RYR1: variants seen among roughly 807,000 people sequenced by gnomAD.
RYR1 encodes ryanodine receptor 1.
In RYR1, 342 loss-of-function variants were observed where a neutral mutation model predicts 583.5. The observed-to-expected ratio is 0.59, with a 90% CI of 0.54 to 0.64. The LOEUF is 0.64. RYR1 is among the 30% of genes least tolerant of loss of function. The pLI is 0.00. For missense variants in RYR1, 6,032 were observed against 6,917.2 expected (o/e 0.87, Z 4.54); for synonymous variants, 2,791 against 2,822.5 (o/e 0.99, Z 0.35).
intron 30 of RYR1, 78 bp from the exon 31 acceptor site, chr19:38,478,357 G>A (rs1600745984): frequency 5.2e-6 from 8 of 1,529,350 alleles, no homozygotes; most frequent in East Asian, 4.5e-5. Flanking sequence ...GTGTGTTTCC[G>A]GGAGCTTGGG....
At chr19:38,490,361 A>G in intron 36 of RYR1, 85 bp downstream of exon 36, 1 of 1,330,708 alleles carries the variant, frequency 7.5e-7, no homozygotes. Context: ...AGGACCCTCA[A>G]CCTCTAAACC....
chr19:38,570,454 A>AAATAAT (rs1011441338), intron 93 of RYR1, among the ~76,000 whole-genome samples, 153 bp from the exon 94 acceptor site: 8 of 152,054 alleles, frequency 5.3e-5, no homozygotes, highest in African/African-American at 1.7e-4. Context: ...TCTGTCTCAA[A>AAATAAT]AATAATAATA....
At chr19:38,514,994 C>T in intron 63 of RYR1, 32 bp from the exon 64 acceptor site, 1 of 1,541,192 alleles carries the variant, frequency 6.5e-7, no homozygotes, top group Non-Finnish European at 9.0e-7. Context: ...CTTGTGAGCG[C>T]ATGCCGCAGC....
rs148660840 is a variant in RYR1 at position 38,494,429 on chromosome 19, C to T, written c.6352C>T (p.Arg2118Trp). 1.2e-5 allele frequency: 19 copies of T among 1,612,138 alleles called. No individual in the cohort carries two copies. The highest frequency in any genetic ancestry group is 5.3e-5 in the African/African-American group (4 of 74,888). Residue 2118 changes from arginine to tryptophan, a missense_variant, in exon 39 of 106, where the codon CGG becomes TGG. By Grantham distance (101) the Arg-to-Trp change is moderately radical (BLOSUM62 -3). Transcript: ENST00000359596. ...EDFVQSPELV[R>W]AMFSLLHRQY... Reference sequence around the variant, plus strand: ...CTTCGTGCAGAGCCCCGAGCTGGTGCGGGCCATGTTCAGCCTCCTGCACCG... The same window carrying T: ...CTTCGTGCAGAGCCCCGAGCTGGTGTGGGCCATGTTCAGCCTCCTGCACCG...
chr19:38,452,036 C>A, intron 12 of RYR1, 151 bp downstream of exon 12: 1 of 1,152,676 alleles, frequency 8.7e-7, no homozygotes, highest in South Asian at 1.3e-5. Context: ...CACCTGTAAT[C>A]CCAAGACTTT....
Position 38,496,124 on chromosome 19 carries a change from G to A in RYR1, c.6549-91G>A, listed in dbSNP as rs1377485866. On this transcript the variant is annotated intron_variant, in intron 39 of 105. Transcript: ENST00000359596. The surrounding 1 kb of genome is among the most constrained non-coding windows in gnomAD (Gnocchi z 4.8). Reference sequence around the variant, plus strand: ...CGGTGGTGCTAGGCACAGAGTGAGAGGGTCAAGAATGCCAACGCTGTCACA... The same window carrying A: ...CGGTGGTGCTAGGCACAGAGTGAGAAGGTCAAGAATGCCAACGCTGTCACA... The A allele has an allele frequency of 3.9e-6, 4 of 1,029,848 alleles. No homozygotes were observed. The highest frequency in any genetic ancestry group is 3.5e-5 in the Admixed American group (2 of 57,260). The allele number at this position is 1,029,848 out of a possible 1,614,324, so 63.8% of individuals were successfully genotyped here.
intron 38 of RYR1, 34 bp downstream of exon 38, chr19:38,492,670 G>A (rs771854032): frequency 2.0e-6 from 3 of 1,521,472 alleles, no homozygotes; most frequent in Admixed American, 3.7e-5. Context: ...GAGGGCAGGG[G>A]TGGGGTGGGT....
intron 58 of RYR1, among the ~76,000 whole-genome samples, chr19:38,508,228 A>G (rs1286608959): frequency 6.6e-6 from 1 of 151,542 alleles, no homozygotes; most frequent in Non-Finnish European, 1.5e-5. Context: ...TTTATTTTTG[A>G]GACAGAGTTT....
At chr19:38,564,901 G>A (rs1050777621) in intron 90 of RYR1, 58 bp from the exon 91 acceptor site, 198 of 1,538,686 alleles carry the variant, frequency 1.3e-4, no homozygotes, top group South Asian at 4.1e-4. Flanking sequence ...CTGCGCTGTC[G>A]CTGCTGTCCG....
chr19:38,460,652 G>T, intron 20 of RYR1, 61 bp downstream of exon 20: 1 of 1,477,582 alleles, frequency 6.8e-7, no homozygotes, highest in Non-Finnish European at 9.3e-7. Flanking sequence ...TCAGAGAGGG[G>T]GCAGGGTGCC....
chr19:38,547,135 G>A (rs1261976026), intron 88 of RYR1, among the ~76,000 whole-genome samples: 1 of 150,910 alleles, frequency 6.6e-6, no homozygotes, highest in Non-Finnish European at 1.5e-5. Flanking sequence ...CGCCTCCCAG[G>A]TTCACGCCAT....
chr19:38,455,967 G>GTTTTTT (rs201725585), intron 16 of RYR1, among the ~76,000 whole-genome samples: 13 of 108,478 alleles, frequency 1.2e-4, no homozygotes, highest in Admixed American at 2.9e-4. Flanking sequence ...TCTCTGAAAT[G>GTTTTTT]TTTTTTTTTT....
chr19:38,475,536 G>A (rs1048273035), intron 29 of RYR1, 86 bp downstream of exon 29: 10 of 1,542,654 alleles, frequency 6.5e-6, no homozygotes, highest in Non-Finnish European at 8.0e-6. Context: ...ACAGTCCCCA[G>A]TAGCTGCCCA....
rs1242926053 is a variant in RYR1 at position 38,463,339 on chromosome 19, C to T, written c.2578-84C>T. The T allele has an allele frequency of 1.3e-5, 15 of 1,173,558 alleles. 1 individual carries two copies. The South Asian group carries it at 1.4e-4, about 11-fold the overall frequency. 72.7% of individuals were successfully genotyped at this position (1,173,558 alleles called of 1,614,324 possible). A position where few individuals can be genotyped will look rare whatever the true frequency, so the allele number is the denominator to read the frequency against. ...GGGGTGCTGGAGGAGCCTCCCAGGG[C>T]TCACAGGTGTTCTTGGAAAGAGGGG... On this transcript the variant is annotated intron_variant, in intron 20 of 105. Transcript: ENST00000359596.
intron 96 of RYR1, among the ~76,000 whole-genome samples, chr19:38,573,832 C>T (rs573357972): frequency 3.9e-5 from 6 of 152,254 alleles, no homozygotes; most frequent in Non-Finnish European, 5.9e-5. Context: ...CACAGAGATT[C>T]CTAGACTTGA....
chr19:38,505,335 G>A lies in RYR1; in HGVS notation c.8337G>A (p.Glu2779=), dbSNP rs2915952. 449,612 of 1,608,310 alleles carry A rather than the reference G, an allele frequency of 0.28. 67,086 individuals are homozygous for A. Among genetic ancestry groups the A allele is most frequent in the South Asian group, 0.45 (40,418 of 90,550 alleles). The change falls in exon 53 of 106, where the codon GAG becomes GAA. Residue 2779 remains glutamate, a synonymous_variant. Coordinates refer to ENST00000359596, the MANE Select transcript of RYR1 (RefSeq NM_000540.3). The part of the protein sequence containing the change: ...DKIQNNWSYG[E]NIDEELKTHP... ...TCCAGAACAACTGGTCCTATGGAGA[G>A]AACATAGACGAGGAGCTGAAGACCC...
In RYR1 at chr19:38,510,650, C is replaced by T; in HGVS notation, c.9001-10C>T. The stretch of plus-strand genomic sequence containing the variant: ...CATTGGACCCTTTATCTCCCCCAAC[C>T]CGTCTCCAGATCCTGCTCCCTTTGA... On this transcript the variant is annotated splice_polypyrimidine_tract_variant and intron_variant, in intron 59 of 105. Coordinates refer to ENST00000359596, the MANE Select transcript of RYR1 (RefSeq NM_000540.3). 6.2e-7 allele frequency: 1 copy of T among 1,614,168 alleles called. No individual in the cohort carries two copies.
At chr19:38,459,550 G>A (rs187786197) in intron 19 of RYR1, among the ~76,000 whole-genome samples, 1 of 152,100 alleles carries the variant, frequency 6.6e-6, no homozygotes, top group Admixed American at 6.6e-5. Flanking sequence ...CTAACCCCAC[G>A]TCCTTCCAGT....
chr19:38,580,284 C>G, intron 100 of RYR1, 86 bp from the exon 101 acceptor site: 1 of 1,595,770 alleles, frequency 6.3e-7, no homozygotes, highest in South Asian at 1.1e-5. Context: ...GCCACAGGGA[C>G]TGAACCGGGG....
Sources: gnomAD v4.1 joint callset for allele counts (sites outside exome capture counted in the v4.1 genomes callset) on GRCh38, gnomAD v4.1.1 for gene constraint, Gnocchi (gnomAD v3.1) non-coding constraint, MANE v1.5 for transcripts, NCBI Gene and HGNC (gene_info 2026-07-23, HGNC 2026-07-21) for gene names.